The following CYP3A7 variants were observed in gnomAD, a reference collection of about 807,000 sequenced individuals.
The protein encoded by CYP3A7 is cytochrome P450 family 3 subfamily A member 7.
Under a neutral mutation model 55.2 loss-of-function variants are expected in CYP3A7, and 45 were observed. That is an observed-to-expected ratio of 0.82 (90% CI 0.64 to 1.05). The LOEUF (loss-of-function observed/expected upper bound fraction) is 1.05. CYP3A7 is among the 50% of genes least tolerant of loss of function. The pLI is 0.00. For missense variants in CYP3A7, 548 were observed against 605.3 expected, an observed-to-expected ratio of 0.91 and a Z score of 0.99; for synonymous variants, 180 against 207.4, an observed-to-expected ratio of 0.87 and a Z score of 1.13.
At chr7:99,724,033 T>C (rs1324807952) in intron 2 of CYP3A7, among the ~76,000 whole-genome samples, 3 of 151,936 alleles carry the variant, frequency 2.0e-5, no homozygotes, top group African/African-American at 7.2e-5. Context: ...CTTCCCTGGG[T>C]GGCAAGTACC....
chr7:99,733,751 C>T (rs1200783274), intron 1 of CYP3A7, among the ~76,000 whole-genome samples: 1 of 152,202 alleles, frequency 6.6e-6, no homozygotes. Context: ...GGAATATTTT[C>T]TCACTTCATC....
At chr7:99,727,308 A>G (rs1389195039) in intron 2 of CYP3A7, among the ~76,000 whole-genome samples, 1 of 152,198 alleles carries the variant, frequency 6.6e-6, no homozygotes, top group Non-Finnish European at 1.5e-5. Context: ...CACCACCCTA[A>G]TACTTTTAGA....
intron 2 of CYP3A7, among the ~76,000 whole-genome samples, chr7:99,728,781 C>T (rs1814511359): frequency 6.6e-6 from 1 of 152,196 alleles, no homozygotes; most frequent in Non-Finnish European, 1.5e-5. Flanking sequence ...TCTGCTTCCA[C>T]TATTGCCCTT....
At chr7:99,710,453 A>T (rs895292182) in intron 10 of CYP3A7, among the ~76,000 whole-genome samples, 1 of 152,206 alleles carries the variant, frequency 6.6e-6, no homozygotes, top group Non-Finnish European at 1.5e-5. Flanking sequence ...GCATATTGTT[A>T]AATGCCAGGG....
At chr7:99,730,825 G>A (rs1814582948) in intron 2 of CYP3A7, 1 of 507,044 alleles carries the variant, frequency 2.0e-6, no homozygotes, top group African/African-American at 1.9e-5. Context: ...GTGAACATCA[G>A]ATTGCTGGAT....
chr7:99,732,423 T>C (rs1814663446), intron 1 of CYP3A7, among the ~76,000 whole-genome samples: 1 of 152,196 alleles, frequency 6.6e-6, no homozygotes, highest in African/African-American at 2.4e-5. Context: ...AAAAGACTAA[T>C]ACAGCCAGAC....
At chr7:99,716,163 C>G (rs575360983) in intron 6 of CYP3A7, among the ~76,000 whole-genome samples, 6 of 152,292 alleles carry the variant, frequency 3.9e-5, no homozygotes, top group African/African-American at 1.4e-4. Flanking sequence ...GGAGCCTAGT[C>G]ATAGAAAGAC....
chr7:99,717,119 G>A (rs1813986475), intron 6 of CYP3A7, 58 bp downstream of exon 6: 3 of 1,605,606 alleles, frequency 1.9e-6, no homozygotes, highest in South Asian at 1.1e-5. Context: ...CAGCTCCATA[G>A]CAGGCAGCTG....
intron 4 of CYP3A7, among the ~76,000 whole-genome samples, chr7:99,719,383 T>C (rs1454257978): frequency 6.6e-6 from 1 of 152,176 alleles, no homozygotes; most frequent in African/African-American, 2.4e-5. Context: ...TATGCCCACA[T>C]TTCCAAAAAT....
chr7:99,731,195 T>C, intron 1 of CYP3A7, 43 bp from the exon 2 acceptor site: 1 of 1,610,328 alleles, frequency 6.2e-7, no homozygotes, highest in Non-Finnish European at 8.5e-7. Flanking sequence ...ATTGTGACTT[T>C]ATAGATATAG....
chr7:99,720,309 T>C lies in CYP3A7; in HGVS notation c.318+4A>G. ...TATTTTAATTTCAAAAAATGGATGC[T>C]TACCCTCCGGTTTGTGAAGACAGAA... On this transcript the variant is annotated splice_donor_region_variant and intron_variant, in intron 4 of 12. Coordinates refer to ENST00000336374, the MANE Select transcript of CYP3A7 (RefSeq NM_000765.5). The C allele has an allele frequency of 6.2e-7, 1 of 1,612,396 alleles. No individual in the cohort carries two copies. The highest frequency in any genetic ancestry group is 8.5e-7 in the Non-Finnish European group (1 of 1,179,662).
chr7:99,731,655 T>G (rs1383840174), intron 1 of CYP3A7, among the ~76,000 whole-genome samples: 1 of 152,176 alleles, frequency 6.6e-6, no homozygotes, highest in African/African-American at 2.4e-5. Context: ...TAGAATTTGC[T>G]CAGAGGCTTT....
chr7:99,713,330 C>G, intron 9 of CYP3A7, 139 bp downstream of exon 9: 1 of 1,345,750 alleles, frequency 7.4e-7, no homozygotes, highest in Admixed American at 2.0e-5. Context: ...CTCCAGCTAC[C>G]ATTTTAACAT....
In CYP3A7 at chr7:99,731,083, C is replaced by CA. The variant is rs755093770; in HGVS notation, c.140dup (p.Leu47PhefsTer9). ...CCTTACGGAAGGACAAAGCATTTCC[C>CA]AAAAAAGGCAGAGGTGTGGGCCCTG... is the stretch of plus-strand genomic sequence containing the variant. On this transcript the variant is annotated frameshift_variant, in exon 2 of 13. Coordinates refer to ENST00000336374, the MANE Select transcript of CYP3A7 (RefSeq NM_000765.5). LOFTEE classifies it high-confidence loss of function. 1.3e-5 allele frequency: 21 copies of CA among 1,613,528 alleles called. No individual in the cohort carries two copies. In the East Asian group the frequency reaches 4.5e-4, roughly 34 times the overall value.
chr7:99,734,928 C>T, intron 1 of CYP3A7, 95 bp downstream of exon 1: 2 of 1,589,352 alleles, frequency 1.3e-6, no homozygotes, highest in Non-Finnish European at 1.7e-6. Context: ...GCCTGAACAT[C>T]CTTTTTGCTA....
In CYP3A7 at chr7:99,705,372, G is replaced by T; in HGVS notation, c.*128C>A. On this transcript the variant is annotated 3_prime_UTR_variant, in exon 13 of 13. Transcript: ENST00000336374. ...AGCACAATGCACGTACAGAATCCCT[G>T]ATTATTTATGCAGCACATTGGATGA... The T allele has an allele frequency of 9.3e-7, 1 of 1,080,306 alleles. No homozygotes were observed. The highest frequency in any genetic ancestry group is 1.6e-5 in the African/African-American group (1 of 64,228). 66.9% of individuals were successfully genotyped at this position (1,080,306 alleles called of 1,614,324 possible). A position where few individuals can be genotyped will look rare whatever the true frequency, so the allele number is the denominator to read the frequency against.
chr7:99,717,634 G>A lies in CYP3A7; in HGVS notation c.324C>T (p.Phe108=), dbSNP rs181820338. The A allele has an allele frequency of 1.6e-4, 263 of 1,613,400 alleles. 1 individual carries two copies. The highest frequency in any genetic ancestry group is 5.8e-4 in the South Asian group (53 of 91,070). The change falls in exon 5 of 13, where the codon TTC becomes TTT. Residue 108 remains phenylalanine (F), a synonymous_variant. Transcript: ENST00000336374. ...CATTTTTCATAAATCCCACTGGCCC[G>A]AAAGGCTAGAGTTCAAAGCAGAAAG... is the stretch of plus-strand genomic sequence containing the variant. ...CYSVFTNRRP[F]GPVGFMKNAI... is the part of the protein sequence containing the mutation.
chr7:99,720,103 A>G (rs1307303191), intron 4 of CYP3A7, among the ~76,000 whole-genome samples: 2 of 152,206 alleles, frequency 1.3e-5, no homozygotes, highest in Non-Finnish European at 2.9e-5. Flanking sequence ...AACTGTATCA[A>G]TGTTAATTTC....
intron 9 of CYP3A7, among the ~76,000 whole-genome samples, chr7:99,711,366 C>T (rs957736092): frequency 6.6e-6 from 1 of 152,132 alleles, no homozygotes; most frequent in African/African-American, 2.4e-5. Flanking sequence ...AATTAAAGGA[C>T]CTTTCCTTTA....
Sources: allele counts gnomAD v4.1 joint callset (sites outside exome capture counted in the v4.1 genomes callset), GRCh38; gene constraint gnomAD v4.1.1; transcripts MANE v1.5; gene names NCBI Gene and HGNC (gene_info 2026-07-23, HGNC 2026-07-21).